The following ACTR3C variants were observed in gnomAD, a reference collection of about 807,000 sequenced individuals.
ACTR3C encodes actin-related protein 3C.
ACTR3C carries 18 observed loss-of-function variants against 26.3 expected under a neutral mutation model. The ratio of observed to expected loss-of-function variants is 0.68; its 90% CI spans 0.47 to 1.01. The LOEUF is 1.01. Ranked by LOEUF, ACTR3C falls within the 50% of genes least tolerant of loss-of-function variation. ACTR3C has a pLI of 0.00. For missense variants in ACTR3C, 184 were observed against 250.7 expected, an observed-to-expected ratio of 0.73 and a Z score of 1.80; for synonymous variants, 55 against 94.5, an observed-to-expected ratio of 0.58 and a Z score of 2.42.
the ACTR3C span, among the ~76,000 whole-genome samples, chr7:149,982,011 T>C: frequency 1.1e-4 from 17 of 152,212 alleles, no homozygotes; most frequent in Non-Finnish European, 1.8e-4. Context: ...GTAGCACAGA[T>C]ATGAATGCTC....
chr7:150,286,614 G>A, intron 4 of ACTR3C, 74 bp from the exon 5 acceptor site: 2 of 1,577,696 alleles, frequency 1.3e-6, no homozygotes, highest in Non-Finnish European at 1.7e-6. Flanking sequence ...AAATAACCAG[G>A]AAGCCCATGC....
the ACTR3C span, among the ~76,000 whole-genome samples, chr7:149,882,381 C>T: frequency 6.6e-6 from 1 of 152,112 alleles, no homozygotes; most frequent in Non-Finnish European, 1.5e-5. Context: ...TGGGTGGCAT[C>T]CTCTGGGCCT....
chr7:150,274,625 G>A lies in ACTR3C; in HGVS notation c.564+10128C>T, dbSNP rs547260253. On this transcript the variant is annotated intron_variant, in intron 6 of 7. Transcript: ENST00000683684. The surrounding 1 kb of genome is among the most constrained non-coding windows in gnomAD (Gnocchi z 4.1). ...CCTAATAATTCCATGAGACGCTTAC[G>A]CCTGGCCCATCCTGCACCTGAGGAC... 3.0e-4 allele frequency among the ~76,000 whole-genome samples: 45 copies of A among 152,286 alleles called. No homozygotes were observed. Among genetic ancestry groups the A allele is most frequent in the African/African-American group, 1.0e-3 (42 of 41,568 alleles).
the ACTR3C span, among the ~76,000 whole-genome samples, chr7:150,228,475 T>C: frequency 5.3e-4 from 80 of 152,260 alleles, no homozygotes; most frequent in African/African-American, 1.9e-3. Flanking sequence ...GATAGGGAGA[T>C]TATTTGGGGT....
the ACTR3C span, among the ~76,000 whole-genome samples, chr7:150,165,993 T>C: frequency 6.6e-6 from 1 of 150,784 alleles, no homozygotes. Flanking sequence ...GTGTTGAAAC[T>C]GTGAAAACTG....
the ACTR3C span, among the ~76,000 whole-genome samples, chr7:150,039,752 TC>T: frequency 2.2e-5 from 2 of 90,824 alleles, no homozygotes; most frequent in Non-Finnish European, 4.7e-5. Flanking sequence ...TGCCTCCCCC[TC>T]CTGCGATGGG....
the ACTR3C span, among the ~76,000 whole-genome samples, chr7:150,179,412 C>T: frequency 3.8e-5 from 3 of 79,748 alleles, no homozygotes; most frequent in South Asian, 6.1e-4. Context: ...AAGATAGACA[C>T]AACAGGAAAA....
At chr7:149,917,654 T>TTTTTTA in the ACTR3C span, among the ~76,000 whole-genome samples, 2 of 16,502 alleles carry the variant, frequency 1.2e-4, no homozygotes, top group African/African-American at 1.4e-4. Context: ...TTTTTTTTTT[T>TTTTTTA]GAGACAGGGT....
At chr7:150,294,222 G>A (rs1050442527) in intron 2 of ACTR3C, among the ~76,000 whole-genome samples, 2 of 152,138 alleles carry the variant, frequency 1.3e-5, no homozygotes, top group Admixed American at 6.5e-5. Flanking sequence ...TTTCTTCGTC[G>A]GGGCGGGGAG....
the ACTR3C span, among the ~76,000 whole-genome samples, chr7:150,154,671 G>C: frequency 6.6e-6 from 1 of 152,070 alleles, no homozygotes; most frequent in East Asian, 1.9e-4. Context: ...ATTTTTGAGG[G>C]GGCTTTTCCT....
the ACTR3C span, among the ~76,000 whole-genome samples, chr7:150,180,045 C>G: frequency 2.0e-5 from 3 of 151,104 alleles, no homozygotes; most frequent in East Asian, 5.8e-4. Flanking sequence ...GTGGCTCATG[C>G]CTGTAATCCC....
the ACTR3C span, among the ~76,000 whole-genome samples, chr7:150,220,787 G>C: frequency 6.6e-6 from 1 of 152,310 alleles, no homozygotes; most frequent in African/African-American, 2.4e-5. Context: ...GCTGCAAGGA[G>C]CCCACGGGTG....
chr7:150,308,149 G>A (rs141359780), intron 1 of ACTR3C, among the ~76,000 whole-genome samples: 90 of 152,172 alleles, frequency 5.9e-4, no homozygotes, highest in Non-Finnish European at 9.4e-4. Context: ...CACCTTGGTG[G>A]CAAGTACAAC....
chr7:150,258,342 G>GA (rs1833378489), intron 6 of ACTR3C, among the ~76,000 whole-genome samples: 1 of 149,950 alleles, frequency 6.7e-6, no homozygotes, highest in African/African-American at 2.5e-5. Flanking sequence ...TTATACTGAG[G>GA]AAAAAAGAAT....
At chr7:150,187,060 T>C in the ACTR3C span, among the ~76,000 whole-genome samples, 1 of 151,774 alleles carries the variant, frequency 6.6e-6, no homozygotes, top group African/African-American at 2.4e-5. Context: ...AGTTATACCA[T>C]GAGAATACTC....
At chr7:150,221,388 G>A in the ACTR3C span, among the ~76,000 whole-genome samples, 1 of 152,124 alleles carries the variant, frequency 6.6e-6, no homozygotes, top group Non-Finnish European at 1.5e-5. Context: ...CAGGGAACCA[G>A]GAAAAATCAG....
chr7:150,277,568 G>T (rs1233060135), intron 6 of ACTR3C, among the ~76,000 whole-genome samples: 21 of 152,010 alleles, frequency 1.4e-4, no homozygotes, highest in Admixed American at 1.4e-3. Context: ...ACCTACAAAT[G>T]CAACTCAACA....
At chr7:150,033,957 G>C in the ACTR3C span, among the ~76,000 whole-genome samples, 1 of 142,214 alleles carries the variant, frequency 7.0e-6, no homozygotes, top group Middle Eastern at 3.5e-3. Flanking sequence ...AAAGAGCGAG[G>C]GGGGGAAGGG....
the ACTR3C span, among the ~76,000 whole-genome samples, chr7:150,036,315 TA>T: frequency 1.4e-5 from 2 of 141,534 alleles, no homozygotes; most frequent in African/African-American, 5.1e-5. Flanking sequence ...GGCCCTCAAA[TA>T]GGGGGGCCAT....
Sources: gnomAD v4.1 joint callset for allele counts (sites outside exome capture counted in the v4.1 genomes callset) on GRCh38, gnomAD v4.1.1 for gene constraint, Gnocchi (gnomAD v3.1) non-coding constraint, MANE v1.5 for transcripts, NCBI Gene and HGNC (gene_info 2026-07-23, HGNC 2026-07-21) for gene names.